FHIP1A: variants seen among roughly 807,000 people sequenced by gnomAD.
The protein encoded by FHIP1A is FHF complex subunit HOOK-interacting protein 1A.
Under a neutral mutation model 88.6 loss-of-function variants are expected in FHIP1A, and 61 were observed. The observed-to-expected ratio is 0.69, with a 90% confidence interval of 0.56 to 0.85. FHIP1A has a LOEUF of 0.85. Among genes scored for constraint, FHIP1A ranks in the 40% least tolerant of loss-of-function variants. The pLI is 0.00. For synonymous variants in FHIP1A, 478 were observed against 496.0 expected (o/e 0.96, Z 0.48); for missense variants, 1,154 against 1,273.5 (o/e 0.91, Z 1.43).
At chr4:151,531,806 A>G (rs1731887016) in intron 3 of FHIP1A, among the ~76,000 whole-genome samples, 1 of 152,240 alleles carries the variant, frequency 6.6e-6, no homozygotes, top group Non-Finnish European at 1.5e-5. Flanking sequence ...TGTGCAATGC[A>G]TGCCACTTAC....
At chr4:151,619,247 G>GT (rs1162507010) in intron 7 of FHIP1A, among the ~76,000 whole-genome samples, 4 of 152,094 alleles carry the variant, frequency 2.6e-5, no homozygotes, top group Non-Finnish European at 4.4e-5. Context: ...TTGTGCCACT[G>GT]TTTTTTTCCA....
At chr4:151,513,653 C>T (rs924659816) in intron 3 of FHIP1A, among the ~76,000 whole-genome samples, 1 of 152,032 alleles carries the variant, frequency 6.6e-6, no homozygotes, top group Non-Finnish European at 1.5e-5. Context: ...GGTTGCAATC[C>T]TAGTCTCTGA....
chr4:151,511,910 G>A (rs1360994082), intron 3 of FHIP1A, among the ~76,000 whole-genome samples: 1 of 152,238 alleles, frequency 6.6e-6, no homozygotes, highest in East Asian at 1.9e-4. Context: ...AAATGTCCTT[G>A]TCTGACAGCT....
chr4:151,597,425 C>T lies in FHIP1A; in HGVS notation c.978+8499C>T, dbSNP rs888116815. On this transcript the variant is annotated intron_variant, in intron 7 of 13. Coordinates refer to ENST00000435205, the MANE Select transcript of FHIP1A (RefSeq NM_001109977.3). Reference sequence around the variant, plus strand: ...AGCTTCGTCCCAGAGGGTCACCCGCCAGATGCCAGCTGGAGTTCTCCTGTA... The same window carrying T: ...AGCTTCGTCCCAGAGGGTCACCCGCTAGATGCCAGCTGGAGTTCTCCTGTA... Among the ~76,000 whole-genome samples, 3 of 152,258 alleles carry T rather than the reference C, an allele frequency of 2.0e-5. No homozygotes were observed. In the East Asian group the frequency reaches 5.8e-4, roughly 29 times the overall value.
intron 3 of FHIP1A, among the ~76,000 whole-genome samples, chr4:151,549,318 G>C (rs1732630647): frequency 6.6e-6 from 1 of 152,024 alleles, no homozygotes; most frequent in African/African-American, 2.4e-5. Flanking sequence ...CAAAGAATAA[G>C]AGAGCTGAAC....
intron 2 of FHIP1A, among the ~76,000 whole-genome samples, chr4:151,467,986 TAAAA>T (rs34475856): frequency 3.4e-4 from 45 of 133,756 alleles, no homozygotes; most frequent in Middle Eastern, 7.8e-3. Flanking sequence ...TCCCGGAACT[TAAAA>T]AAAAAAAAAA....
chr4:151,497,400 G>A (rs1391368203), intron 3 of FHIP1A, among the ~76,000 whole-genome samples: 4 of 152,032 alleles, frequency 2.6e-5, no homozygotes, highest in Non-Finnish European at 5.9e-5. Context: ...TTTTTTTATG[G>A]CCCACTAGCT....
chr4:151,632,957 A>G (rs77673972), intron 8 of FHIP1A, among the ~76,000 whole-genome samples: 1 of 151,924 alleles, frequency 6.6e-6, no homozygotes, highest in Non-Finnish European at 1.5e-5. Flanking sequence ...TAGCAGAAGG[A>G]AGGAAATGAT....
At chr4:151,523,941 C>CA (rs1731538108) in intron 3 of FHIP1A, among the ~76,000 whole-genome samples, 1 of 152,176 alleles carries the variant, frequency 6.6e-6, no homozygotes, top group Non-Finnish European at 1.5e-5. Flanking sequence ...GCTGTGATGC[C>CA]ATCCAAGCCA....
chr4:151,601,515 T>C (rs1734866207), intron 7 of FHIP1A, among the ~76,000 whole-genome samples: 1 of 151,362 alleles, frequency 6.6e-6, no homozygotes, highest in Non-Finnish European at 1.5e-5. Flanking sequence ...AGTTACTGCC[T>C]CATTCTGTTT....
chr4:151,641,525 A>G (rs1471385928), intron 9 of FHIP1A, among the ~76,000 whole-genome samples: 2 of 152,258 alleles, frequency 1.3e-5, no homozygotes, highest in African/African-American at 2.4e-5. Flanking sequence ...TTAAAACATT[A>G]TGAGATTTTT....
chr4:151,530,311 A>C (rs1427466364), intron 3 of FHIP1A, among the ~76,000 whole-genome samples: 2 of 152,134 alleles, frequency 1.3e-5, no homozygotes, highest in East Asian at 3.9e-4. Flanking sequence ...GCCCTCAAGC[A>C]CATGGAGGCC....
At chr4:151,618,681 C>A (rs148470829) in intron 7 of FHIP1A, among the ~76,000 whole-genome samples, 45 of 152,262 alleles carry the variant, frequency 3.0e-4, no homozygotes, top group African/African-American at 1.0e-3. Context: ...CAACTCACTG[C>A]GGTAGATTAC....
intron 1 of FHIP1A, among the ~76,000 whole-genome samples, chr4:151,442,397 A>G (rs192978334): frequency 1.3e-4 from 20 of 152,262 alleles, no homozygotes; most frequent in African/African-American, 4.6e-4. Context: ...CAGCTAATCT[A>G]TATGGCACTG....
chr4:151,436,014 C>T (rs1387588457), intron 1 of FHIP1A, among the ~76,000 whole-genome samples: 1 of 152,056 alleles, frequency 6.6e-6, no homozygotes, highest in Non-Finnish European at 1.5e-5. Context: ...TTATTTAGTT[C>T]AGTTAAATGA....
intron 7 of FHIP1A, among the ~76,000 whole-genome samples, chr4:151,592,357 A>G (rs1047248243): frequency 9.2e-5 from 14 of 152,138 alleles, no homozygotes; most frequent in Admixed American, 4.6e-4. Context: ...GATGGTCTCA[A>G]TCTCCTGACC....
intron 3 of FHIP1A, among the ~76,000 whole-genome samples, chr4:151,537,324 G>A (rs1732107031): frequency 6.6e-6 from 1 of 152,114 alleles, no homozygotes; most frequent in Non-Finnish European, 1.5e-5. Flanking sequence ...TAGATATGCA[G>A]TAATATATCT....
At chr4:151,412,205 C>A (rs1580534041) in intron 1 of FHIP1A, among the ~76,000 whole-genome samples, 1 of 151,878 alleles carries the variant, frequency 6.6e-6, no homozygotes, top group African/African-American at 2.4e-5. Flanking sequence ...CCAGTTCCAG[C>A]GATTCTCCTA....
intron 3 of FHIP1A, among the ~76,000 whole-genome samples, chr4:151,559,469 T>G (rs752636268): frequency 6.6e-6 from 1 of 152,216 alleles, no homozygotes; most frequent in Admixed American, 6.5e-5. Context: ...TTGTGTATCT[T>G]CTTAGAAATC....
Sources: gnomAD v4.1 joint callset for allele counts (sites outside exome capture counted in the v4.1 genomes callset) on GRCh38, gnomAD v4.1.1 for gene constraint, MANE v1.5 for transcripts, NCBI Gene and HGNC (gene_info 2026-07-23, HGNC 2026-07-21) for gene names.